ACCSL: variants seen among roughly 807,000 people sequenced by gnomAD.
ACCSL encodes probable inactive 1-aminocyclopropane-1-carboxylate synthase-like protein 2.
In ACCSL, 55 loss-of-function variants were observed where a neutral mutation model predicts 61.7. The observed-to-expected ratio is 0.89, with a 90% CI of 0.72 to 1.12. The LOEUF is 1.12. ACCSL is among the 50% of genes most tolerant of loss of function. ACCSL has a pLI of 0.00. For missense variants in ACCSL, 632 were observed against 698.0 expected (o/e 0.91, Z 1.07); for synonymous variants, 258 against 264.3 (o/e 0.98, Z 0.23).
the ACCSL span, among the ~76,000 whole-genome samples, chr11:43,992,054 C>T: frequency 3.5e-5 from 4 of 114,152 alleles, no homozygotes; most frequent in Admixed American, 9.7e-5. Flanking sequence ...TTCTTTCTTT[C>T]TTTTTTTTTT....
the ACCSL span, among the ~76,000 whole-genome samples, chr11:43,981,674 G>A: frequency 2.6e-4 from 39 of 152,282 alleles, no homozygotes; most frequent in Middle Eastern, 0.01. Flanking sequence ...TGCCTTGGGA[G>A]GCCCAGAAGG....
the ACCSL span, among the ~76,000 whole-genome samples, chr11:44,010,048 C>T: frequency 6.6e-6 from 1 of 152,122 alleles, no homozygotes; most frequent in Non-Finnish European, 1.5e-5. Flanking sequence ...GAGATAAAAA[C>T]GTCACCTCTC....
At chr11:43,949,119 T>C in the ACCSL span, among the ~76,000 whole-genome samples, 1 of 152,222 alleles carries the variant, frequency 6.6e-6, no homozygotes, top group Non-Finnish European at 1.5e-5. Context: ...TCTGTGTGAC[T>C]GCACACAGGC....
At chr11:44,042,920 A>G in the ACCSL span, among the ~76,000 whole-genome samples, 1 of 151,966 alleles carries the variant, frequency 6.6e-6, no homozygotes, top group Non-Finnish European at 1.5e-5. Flanking sequence ...GTCTCTACAA[A>G]AAATACAACA....
chr11:43,943,719 C>T, the ACCSL span: 2 of 1,304,298 alleles, frequency 1.5e-6, no homozygotes, highest in Non-Finnish European at 2.0e-6. This position sits in a 1 kb window ranked among gnomAD's most constrained non-coding sequence, Gnocchi z 4.8. Flanking sequence ...TTAGGCGTGG[C>T]CGTTGGGACT....
At chr11:44,053,101 C>T in intron 7 of ACCSL, 33 bp downstream of exon 7, 1 of 1,567,288 alleles carries the variant, frequency 6.4e-7, no homozygotes, top group Non-Finnish European at 8.8e-7. Context: ...AGGATGGCCA[C>T]TGCTGGTCCT....
the ACCSL span, among the ~76,000 whole-genome samples, chr11:43,957,846 AAC>A: frequency 2.6e-5 from 4 of 152,282 alleles, no homozygotes; most frequent in Admixed American, 2.6e-4. Flanking sequence ...CCGCCCCCCC[AAC>A]AACTTCCCGT....
At chr11:43,987,110 A>G in the ACCSL span, among the ~76,000 whole-genome samples, 11 of 147,370 alleles carry the variant, frequency 7.5e-5, no homozygotes, top group African/African-American at 2.5e-4. Context: ...CAAGAAGAAC[A>G]AGCAATGGAT....
At chr11:44,034,421 A>G in the ACCSL span, among the ~76,000 whole-genome samples, 1 of 152,222 alleles carries the variant, frequency 6.6e-6, no homozygotes, top group Non-Finnish European at 1.5e-5. Context: ...GTCTGTTTTC[A>G]TGCTGCTGAT....
the ACCSL span, among the ~76,000 whole-genome samples, chr11:44,018,575 T>TG: frequency 6.6e-6 from 1 of 152,260 alleles, no homozygotes; most frequent in Non-Finnish European, 1.5e-5. Context: ...ACAGCACCCT[T>TG]GACCTTTCAG....
the ACCSL span, among the ~76,000 whole-genome samples, chr11:43,981,941 T>G: frequency 0.26 from 40,087 of 152,072 alleles, 5,678 homozygotes; most frequent in African/African-American, 0.33. Flanking sequence ...AAGCTCAGAG[T>G]GTATCATCTT....
At chr11:43,962,007 C>A in the ACCSL span, among the ~76,000 whole-genome samples, 4 of 152,166 alleles carry the variant, frequency 2.6e-5, no homozygotes, top group Admixed American at 1.3e-4. Context: ...TCAATAAGTT[C>A]TTTCATCCCT....
At chr11:43,984,260 T>C in the ACCSL span, among the ~76,000 whole-genome samples, 1 of 152,214 alleles carries the variant, frequency 6.6e-6, no homozygotes, top group Non-Finnish European at 1.5e-5. Flanking sequence ...GATGCAATGA[T>C]TTCATTATCT....
chr11:43,927,961 G>A, the ACCSL span, among the ~76,000 whole-genome samples: 106,041 of 152,102 alleles, frequency 0.7, 37,304 homozygotes, highest in East Asian at 0.85. Flanking sequence ...CACACACTTG[G>A]AAAACATCAA....
intron 3 of ACCSL, 86 bp from the exon 4 acceptor site, chr11:44,051,249 C>T (rs771566192): frequency 2.2e-5 from 30 of 1,382,296 alleles, no homozygotes; most frequent in Non-Finnish European, 2.7e-5. Context: ...TAGAAAAGGT[C>T]CCTGTTAGGC....
At chr11:43,973,137 T>C in the ACCSL span, among the ~76,000 whole-genome samples, 2 of 152,240 alleles carry the variant, frequency 1.3e-5, no homozygotes, top group African/African-American at 2.4e-5. Flanking sequence ...GATGCTGATG[T>C]GCACAGGAGT....
At chr11:43,989,766 C>G in the ACCSL span, among the ~76,000 whole-genome samples, 1 of 152,226 alleles carries the variant, frequency 6.6e-6, no homozygotes, top group Admixed American at 6.5e-5. Context: ...CAGAGCCTTG[C>G]TGTTGGTGGC....
the ACCSL span, among the ~76,000 whole-genome samples, chr11:44,016,772 G>A: frequency 6.6e-6 from 1 of 152,164 alleles, no homozygotes; most frequent in Non-Finnish European, 1.5e-5. Context: ...TTCTTTGGGA[G>A]AAGCAGCCGA....
the ACCSL span, among the ~76,000 whole-genome samples, chr11:44,013,508 G>A: frequency 6.6e-6 from 1 of 152,158 alleles, no homozygotes; most frequent in South Asian, 2.1e-4. Context: ...GGCCAGGCTG[G>A]TCTCGAACCC....
Sources: allele counts gnomAD v4.1 joint callset (sites outside exome capture counted in the v4.1 genomes callset), GRCh38; gene constraint gnomAD v4.1.1; non-coding constraint Gnocchi (gnomAD v3.1); transcripts MANE v1.5; gene names NCBI Gene and HGNC (gene_info 2026-07-23, HGNC 2026-07-21).